Variants in VOPP1 observed in about 807,000 individuals in gnomAD.
VOPP1 encodes the protein VOPP1 WW domain binding protein.
A neutral mutation model predicts 23.5 loss-of-function variants in VOPP1; 8 were observed. That is an observed-to-expected ratio of 0.34 (90% CI 0.20 to 0.61). VOPP1 has a LOEUF of 0.61. Among genes scored for constraint, VOPP1 ranks in the 20% least tolerant of loss-of-function variants. The probability of loss-of-function intolerance (pLI) is 0.78; values close to 1 mark genes in which losing one functional copy is unlikely to be tolerated. For missense variants in VOPP1, 174 were observed against 238.1 expected, an observed-to-expected ratio of 0.73 and a Z score of 1.77; for synonymous variants, 83 against 97.3, an observed-to-expected ratio of 0.85 and a Z score of 0.86.
chr7:55,507,724 A>T (rs1794823919), intron 2 of VOPP1, among the ~76,000 whole-genome samples: 1 of 152,198 alleles, frequency 6.6e-6, no homozygotes, highest in Non-Finnish European at 1.5e-5. Flanking sequence ...ATGATGTCAG[A>T]ATTGTCCTCC....
At position 55,572,435 on chromosome 7, in the gene VOPP1, G is replaced by C. The variant is rs1798400706; in HGVS notation, c.-111C>G. 1.3e-5 allele frequency: 10 copies of C among 770,316 alleles called. No individual in the cohort carries two copies. The highest frequency in any genetic ancestry group is 1.1e-4 in the Admixed American group (2 of 17,660). 47.7% of individuals were successfully genotyped at this position (770,316 alleles called of 1,614,324 possible). On this transcript the variant is annotated 5_prime_UTR_variant, in exon 1 of 5. Coordinates refer to ENST00000285279, the MANE Select transcript of VOPP1 (RefSeq NM_030796.5). ...GACTGCAGCCGGGAGCCGTCCCGCC[G>C]ACCGCTGGGGGGCCCGGCTGGGAGC...
At chr7:55,555,299 A>T (rs1797764576) in intron 1 of VOPP1, among the ~76,000 whole-genome samples, 1 of 152,204 alleles carries the variant, frequency 6.6e-6, no homozygotes, top group East Asian at 1.9e-4. Flanking sequence ...CCCCCAGCTC[A>T]ATCGCTGGCC....
intron 1 of VOPP1, among the ~76,000 whole-genome samples, chr7:55,561,383 C>T (rs376959174): frequency 1.5e-4 from 23 of 152,218 alleles, no homozygotes; most frequent in African/African-American, 5.3e-4. Context: ...CCTTCTGGAA[C>T]AAACAGGTCC....
chr7:55,507,361 T>C (rs911649590), intron 2 of VOPP1, among the ~76,000 whole-genome samples: 5 of 152,158 alleles, frequency 3.3e-5, no homozygotes, highest in African/African-American at 1.2e-4. Context: ...GGAAGGAACA[T>C]GTGGTGGGTG....
intron 1 of VOPP1, among the ~76,000 whole-genome samples, chr7:55,548,751 A>G (rs1797472225): frequency 6.6e-6 from 1 of 152,250 alleles, no homozygotes. Context: ...CCAGGACTAC[A>G]TTCAGAAATC....
intron 1 of VOPP1, among the ~76,000 whole-genome samples, chr7:55,532,034 G>A (rs1009270333): frequency 5.9e-5 from 9 of 152,232 alleles, no homozygotes; most frequent in African/African-American, 1.9e-4. Flanking sequence ...CATTTGGGTT[G>A]TGTACTACCC....
chr7:55,535,073 C>T (rs765269764), intron 1 of VOPP1, among the ~76,000 whole-genome samples: 3 of 152,232 alleles, frequency 2.0e-5, no homozygotes, highest in Non-Finnish European at 4.4e-5. Flanking sequence ...GCCGCATGGC[C>T]TCTAGTGCCA....
At chr7:55,512,698 G>C (rs892283253) in intron 2 of VOPP1, among the ~76,000 whole-genome samples, 16 of 152,324 alleles carry the variant, frequency 1.1e-4, no homozygotes, top group Non-Finnish European at 1.9e-4. Context: ...CACTCAGCTA[G>C]GGAAGCGCCC....
chr7:55,483,273 A>G (rs961176514), intron 4 of VOPP1, among the ~76,000 whole-genome samples: 2 of 152,140 alleles, frequency 1.3e-5, no homozygotes. Context: ...GGGGTGAGGG[A>G]GAGCCTGCAT....
rs1271054890 is a variant in VOPP1, at chr7:55,471,812, C to G, written c.*1043G>C. The G allele has an allele frequency of 6.6e-6, 1 of 151,898 alleles. No individual in the cohort carries two copies. Among genetic ancestry groups the G allele is most frequent in the African/African-American group, 2.4e-5 (1 of 41,336 alleles). The allele number at this position is 151,898 out of a possible 1,614,324, so 9.4% of individuals were successfully genotyped here. A position where few individuals can be genotyped will look rare whatever the true frequency, so the allele number is the denominator to read the frequency against. ...CCTCCTCCTTGGAGCCCAGCACACA[C>G]CCGCTTAGACCCAACACAACCTCAG... On this transcript the variant is annotated 3_prime_UTR_variant, in exon 5 of 5. Transcript: ENST00000285279.
chr7:55,499,751 C>A (rs771263410), intron 2 of VOPP1, among the ~76,000 whole-genome samples: 3 of 152,114 alleles, frequency 2.0e-5, no homozygotes, highest in Non-Finnish European at 2.9e-5. Context: ...GTGCTCGGGA[C>A]GGGGGAATGC....
At chr7:55,536,892 T>C (rs1180468949) in intron 1 of VOPP1, among the ~76,000 whole-genome samples, 2 of 152,032 alleles carry the variant, frequency 1.3e-5, no homozygotes, top group Admixed American at 6.5e-5. Context: ...TGCCCACAAA[T>C]GCAAGAGACA....
chr7:55,565,266 C>T (rs1007484777), intron 1 of VOPP1, among the ~76,000 whole-genome samples: 1 of 152,172 alleles, frequency 6.6e-6, no homozygotes, highest in African/African-American at 2.4e-5. Context: ...ACCCTCCTCC[C>T]GCATTCTAGA....
At chr7:55,454,205 T>C (rs527295234) in intron 4 of VOPP1, among the ~76,000 whole-genome samples, 2 of 152,162 alleles carry the variant, frequency 1.3e-5, no homozygotes, top group African/African-American at 2.4e-5. Flanking sequence ...CTCTTCTAAA[T>C]GGATAAATTT....
At chr7:55,448,649 T>C (rs748743217) in intron 4 of VOPP1, among the ~76,000 whole-genome samples, 1 of 152,120 alleles carries the variant, frequency 6.6e-6, no homozygotes, top group Non-Finnish European at 1.5e-5. Context: ...ACACCCAGGC[T>C]CCAGAAAGGG....
At chr7:55,568,165 C>T (rs1584137797) in intron 1 of VOPP1, among the ~76,000 whole-genome samples, 2 of 150,384 alleles carry the variant, frequency 1.3e-5, no homozygotes, top group African/African-American at 4.9e-5. Context: ...CTGCAAGCTC[C>T]GCCTCCCGGG....
intron 4 of VOPP1, among the ~76,000 whole-genome samples, chr7:55,438,280 GC>G (rs1386274676): frequency 1.3e-5 from 2 of 152,038 alleles, no homozygotes; most frequent in African/African-American, 4.8e-5. Flanking sequence ...CTGAGTAAGT[GC>G]TTACTCAGCA....
chr7:55,566,015 C>G (rs1169641461), intron 1 of VOPP1, among the ~76,000 whole-genome samples: 1 of 152,210 alleles, frequency 6.6e-6, no homozygotes, highest in Non-Finnish European at 1.5e-5. Flanking sequence ...AACCCAAATA[C>G]CACACACAGA....
At chr7:55,558,948 G>A (rs958403235) in intron 1 of VOPP1, among the ~76,000 whole-genome samples, 1 of 152,222 alleles carries the variant, frequency 6.6e-6, no homozygotes, top group African/African-American at 2.4e-5. Context: ...CGACAAGATA[G>A]CCTCACTGAA....
Sources: gnomAD v4.1 joint callset for allele counts (sites outside exome capture counted in the v4.1 genomes callset) on GRCh38, gnomAD v4.1.1 for gene constraint, MANE v1.5 for transcripts, NCBI Gene and HGNC (gene_info 2026-07-23, HGNC 2026-07-21) for gene names.